The following ASCC3 variants were observed in gnomAD, a reference collection of about 807,000 sequenced individuals.
ASCC3 encodes the protein activating signal cointegrator 1 complex subunit 3, also known as ASC-1 complex subunit P200.
A neutral mutation model predicts 256.3 loss-of-function variants in ASCC3; 158 were observed. That is an observed-to-expected ratio of 0.62 (90% CI 0.54 to 0.70). The LOEUF (loss-of-function observed/expected upper bound fraction) is 0.70. ASCC3 is among the 30% of genes least tolerant of loss of function. The pLI is 0.00. For synonymous variants in ASCC3, 948 were observed against 883.4 expected (o/e 1.07, Z -1.30); for missense variants, 2,259 against 2,626.0 (o/e 0.86, Z 3.05).
intron 4 of ASCC3, among the ~76,000 whole-genome samples, chr6:100,832,035 A>T (rs967826006): frequency 1.3e-5 from 2 of 152,144 alleles, no homozygotes; most frequent in Non-Finnish European, 2.9e-5. Flanking sequence ...TTTTAAAAAA[A>T]TTTTAAAGTA....
chr6:100,789,576 T>G (rs1008915534), intron 8 of ASCC3, among the ~76,000 whole-genome samples: 3 of 151,986 alleles, frequency 2.0e-5, no homozygotes, highest in Non-Finnish European at 4.4e-5. Flanking sequence ...GTTTTCTGAT[T>G]CATCTATGTT....
At chr6:100,776,928 TCA>T (rs1490386805) in intron 8 of ASCC3, among the ~76,000 whole-genome samples, 17 of 152,184 alleles carry the variant, frequency 1.1e-4, no homozygotes, top group African/African-American at 2.2e-4. Flanking sequence ...TACATAATTT[TCA>T]CAGTTTTTCT....
At chr6:100,686,104 T>C (rs1777554089) in intron 13 of ASCC3, among the ~76,000 whole-genome samples, 1 of 152,186 alleles carries the variant, frequency 6.6e-6, no homozygotes, top group South Asian at 2.1e-4. Context: ...CAGCTAATAA[T>C]GGCAATTTCT....
At chr6:100,587,909 G>T (rs1771788161) in intron 36 of ASCC3, among the ~76,000 whole-genome samples, 1 of 152,128 alleles carries the variant, frequency 6.6e-6, no homozygotes, top group Non-Finnish European at 1.5e-5. Flanking sequence ...GGCTTTTTTA[G>T]TGGAGTAAAC....
intron 23 of ASCC3, 146 bp downstream of exon 23, chr6:100,643,885 T>C (rs1775251889): frequency 1.6e-6 from 1 of 608,872 alleles, no homozygotes; most frequent in Non-Finnish European, 2.8e-6. Flanking sequence ...ATTTAATCAC[T>C]GTATTCTTTT....
intron 36 of ASCC3, among the ~76,000 whole-genome samples, chr6:100,588,039 G>C (rs1372893874): frequency 6.6e-6 from 1 of 152,098 alleles, no homozygotes; most frequent in Non-Finnish European, 1.5e-5. Context: ...GTGCATGTGT[G>C]CATATGTGTA....
chr6:100,653,960 A>G (rs1428972205), intron 17 of ASCC3, among the ~76,000 whole-genome samples: 1 of 152,080 alleles, frequency 6.6e-6, no homozygotes, highest in African/African-American at 2.4e-5. Flanking sequence ...AAATCAATTA[A>G]TGAGTTAACA....
chr6:100,859,345 A>G, intron 3 of ASCC3: 1 of 707,264 alleles, frequency 1.4e-6, no homozygotes. Context: ...TTTTCTAGGT[A>G]TTCTCTGTAG....
chr6:100,653,849 T>C (rs1775791930), intron 17 of ASCC3, among the ~76,000 whole-genome samples: 1 of 152,040 alleles, frequency 6.6e-6, no homozygotes, highest in African/African-American at 2.4e-5. Context: ...TATAAATATA[T>C]GTATGTACAC....
At chr6:100,578,952 T>A (rs1383454682) in intron 36 of ASCC3, among the ~76,000 whole-genome samples, 1 of 152,064 alleles carries the variant, frequency 6.6e-6, no homozygotes, top group Non-Finnish European at 1.5e-5. Flanking sequence ...TAGCAGTGTA[T>A]AAATGATGCC....
chr6:100,655,673 T>C lies in ASCC3; in HGVS notation c.2823+26A>G, dbSNP rs765193891. 2.9e-5 allele frequency: 46 copies of C among 1,606,080 alleles called. No homozygotes were observed. In the South Asian group the frequency reaches 4.9e-4, roughly 17 times the overall value. ...AAGAACCAAAAAGAAGGTCTGAATT[T>C]TTTTTTTAATAAATGAGTTTTCTAC... On this transcript the variant is annotated intron_variant, in intron 17 of 41. Coordinates refer to ENST00000369162, the MANE Select transcript of ASCC3 (RefSeq NM_006828.4).
At chr6:100,577,772 AC>A (rs1309262733) in intron 36 of ASCC3, among the ~76,000 whole-genome samples, 1 of 151,614 alleles carries the variant, frequency 6.6e-6, no homozygotes, top group Non-Finnish European at 1.5e-5. Context: ...TCTCACACAT[AC>A]ACATAGGAAG....
chr6:100,861,525 T>C (rs779863550), intron 3 of ASCC3, among the ~76,000 whole-genome samples: 3 of 152,164 alleles, frequency 2.0e-5, no homozygotes, highest in Non-Finnish European at 4.4e-5. Flanking sequence ...TCAAAGCTGG[T>C]AGCTTTAATT....
intron 37 of ASCC3, among the ~76,000 whole-genome samples, chr6:100,523,632 C>T (rs888698322): frequency 2.6e-5 from 4 of 152,234 alleles, no homozygotes; most frequent in South Asian, 2.1e-4. Flanking sequence ...CACCACATGT[C>T]CTCAACATCT....
rs571125693 is a variant in ASCC3, at chr6:100,527,748, G to A, written c.5776-9606C>T. Among the ~76,000 whole-genome samples the A allele has an allele frequency of 3.2e-4, 49 of 151,598 alleles. No homozygotes were observed. The Middle Eastern group carries it at 0.01, about 32-fold the overall frequency. On this transcript the variant is annotated intron_variant, in intron 37 of 41. Coordinates refer to ENST00000369162, the MANE Select transcript of ASCC3 (RefSeq NM_006828.4). ...ATTTTTAATGAAAAATACCCACATC[G>A]TTATATCTTCTTTTTCTTCCCTTAT...
At chr6:100,671,466 T>C (rs1430100090) in intron 14 of ASCC3, among the ~76,000 whole-genome samples, 2 of 152,012 alleles carry the variant, frequency 1.3e-5, no homozygotes, top group South Asian at 2.1e-4. Context: ...CTGGATAAAG[T>C]GTTCTACACA....
intron 8 of ASCC3, among the ~76,000 whole-genome samples, chr6:100,792,307 GA>G (rs1769387574): frequency 1.3e-5 from 2 of 151,972 alleles, no homozygotes; most frequent in Non-Finnish European, 2.9e-5. Context: ...CAATACATCT[GA>G]ATAATTTATT....
intron 14 of ASCC3, among the ~76,000 whole-genome samples, chr6:100,677,337 T>TAAAAAAAAAAA (rs879435725): frequency 0.014 from 2,095 of 147,394 alleles, 16 homozygotes; most frequent in East Asian, 0.04. Flanking sequence ...CTATTTTATT[T>TAAAAAAAAAAA]AAAAAAAAAA....
intron 36 of ASCC3, among the ~76,000 whole-genome samples, chr6:100,559,331 T>G (rs1769800936): frequency 6.6e-6 from 1 of 152,124 alleles, no homozygotes; most frequent in African/African-American, 2.4e-5. Flanking sequence ...TCAAATAAAT[T>G]CCTTCTGTTT....
Sources: gnomAD v4.1 joint callset for allele counts (sites outside exome capture counted in the v4.1 genomes callset) on GRCh38, gnomAD v4.1.1 for gene constraint, MANE v1.5 for transcripts, NCBI Gene and HGNC (gene_info 2026-07-23, HGNC 2026-07-21) for gene names.